The following OTUD7A variants were observed in gnomAD, a reference collection of about 807,000 sequenced individuals.
The protein encoded by OTUD7A is OTU domain-containing protein 7A.
A neutral mutation model predicts 65.7 loss-of-function variants in OTUD7A; 12 were observed. The ratio of observed to expected loss-of-function variants is 0.18; its 90% CI spans 0.12 to 0.30. The LOEUF (loss-of-function observed/expected upper bound fraction) is 0.30, where lower values mean the gene tolerates loss of function less well. Ranked by LOEUF, OTUD7A falls within the 10% of genes least tolerant of loss-of-function variation. The pLI is 1.00. For synonymous variants in OTUD7A, 641 were observed against 586.3 expected (o/e 1.09, Z -1.35); for missense variants, 1,148 against 1,304.8 (o/e 0.88, Z 1.85).
chr15:31,703,407 G>T (rs1893258115), intron 1 of OTUD7A, among the ~76,000 whole-genome samples: 2 of 151,368 alleles, frequency 1.3e-5, no homozygotes, highest in South Asian at 4.2e-4. Context: ...TTAGAAAATT[G>T]GCAAAAAAAC....
At chr15:31,744,192 G>A (rs1490517835) in intron 1 of OTUD7A, among the ~76,000 whole-genome samples, 1 of 152,020 alleles carries the variant, frequency 6.6e-6, no homozygotes, top group Admixed American at 6.6e-5. Context: ...AAATATTTAA[G>A]GAAGAAATAA....
At chr15:31,589,466 T>G (rs1203625271) in intron 3 of OTUD7A, among the ~76,000 whole-genome samples, 3 of 148,396 alleles carry the variant, frequency 2.0e-5, no homozygotes, top group African/African-American at 7.5e-5. Context: ...TGGGCTTGTT[T>G]TTTTTTTTTT....
intron 1 of OTUD7A, chr15:31,766,030 T>A: frequency 6.4e-7 from 1 of 1,558,782 alleles, no homozygotes. Context: ...TATGAGTAAG[T>A]TGGCAAAGGA....
intron 8 of OTUD7A, among the ~76,000 whole-genome samples, chr15:31,513,374 ACATCAGGAATT>A (rs2041789878): frequency 6.6e-6 from 1 of 152,152 alleles, no homozygotes; most frequent in Admixed American, 6.5e-5. Flanking sequence ...ACGGCTACCG[ACATCAGGAATT>A]CACACAGTTA....
chr15:31,613,735 T>C (rs1003720608), intron 3 of OTUD7A, among the ~76,000 whole-genome samples: 1 of 130,368 alleles, frequency 7.7e-6, no homozygotes, highest in Non-Finnish European at 1.6e-5. Flanking sequence ...GAAAACAGTA[T>C]GGAGATTCCT....
chr15:31,838,715 T>C (rs1454279230), intron 1 of OTUD7A, among the ~76,000 whole-genome samples: 4 of 147,140 alleles, frequency 2.7e-5, no homozygotes, highest in African/African-American at 1.0e-4. Context: ...TAAGTGATCC[T>C]GAGGGACCCC....
At chr15:31,852,005 C>T (rs750180311) in intron 1 of OTUD7A, among the ~76,000 whole-genome samples, 3 of 152,092 alleles carry the variant, frequency 2.0e-5, no homozygotes, top group Admixed American at 6.6e-5. Context: ...ATTACAGGCG[C>T]GCACCACCAT....
At chr15:31,596,675 G>A (rs1201130079) in intron 3 of OTUD7A, among the ~76,000 whole-genome samples, 2 of 151,664 alleles carry the variant, frequency 1.3e-5, no homozygotes, top group African/African-American at 4.8e-5. Flanking sequence ...TTTTGTTTTG[G>A]TGGGTGTGCA....
At chr15:31,640,191 A>G (rs1174964115) in intron 3 of OTUD7A, among the ~76,000 whole-genome samples, 4 of 152,174 alleles carry the variant, frequency 2.6e-5, no homozygotes, top group Admixed American at 1.3e-4. Flanking sequence ...AAAACCAAAC[A>G]TCGTATGTTC....
chr15:31,828,731 A>C (rs1257475400), intron 1 of OTUD7A, among the ~76,000 whole-genome samples: 1 of 152,118 alleles, frequency 6.6e-6, no homozygotes, highest in East Asian at 1.9e-4. Context: ...CTGGGAACCC[A>C]TCTCCCTGAG....
intron 3 of OTUD7A, among the ~76,000 whole-genome samples, chr15:31,586,481 A>G (rs1889541928): frequency 6.6e-6 from 1 of 151,952 alleles, no homozygotes; most frequent in African/African-American, 2.4e-5. Context: ...AAGAGCGGGG[A>G]GTGTCAGGGG....
intron 1 of OTUD7A, among the ~76,000 whole-genome samples, chr15:31,682,797 G>A (rs1346765966): frequency 1.3e-5 from 2 of 152,210 alleles, no homozygotes; most frequent in Non-Finnish European, 2.9e-5. Flanking sequence ...GAGTGTGCAT[G>A]TGTTTAATAG....
chr15:31,727,931 T>C (rs993398109), intron 1 of OTUD7A, among the ~76,000 whole-genome samples: 2 of 152,184 alleles, frequency 1.3e-5, no homozygotes, highest in Non-Finnish European at 2.9e-5. Context: ...TATGCTCACT[T>C]ATGCTTTCTC....
intron 1 of OTUD7A, among the ~76,000 whole-genome samples, chr15:31,865,061 G>C (rs936092747): frequency 6.6e-6 from 1 of 152,088 alleles, no homozygotes; most frequent in African/African-American, 2.4e-5. Context: ...TCACACAACT[G>C]GTCATCAAGT....
At chr15:31,559,295 A>G (rs765370957) in intron 4 of OTUD7A, 108 bp from the exon 5 acceptor site, 16 of 1,028,270 alleles carry the variant, frequency 1.6e-5, no homozygotes, top group Non-Finnish European at 2.3e-5. Context: ...ACACAGGTAC[A>G]CATTCATGCA....
At chr15:31,632,593 C>A (rs560868815) in intron 3 of OTUD7A, among the ~76,000 whole-genome samples, 21 of 152,390 alleles carry the variant, frequency 1.4e-4, no homozygotes, top group African/African-American at 4.8e-4. Context: ...AGGAGGCAGT[C>A]TGCCCGTTCT....
At chr15:31,746,134 T>G (rs1894470002) in intron 1 of OTUD7A, among the ~76,000 whole-genome samples, 1 of 152,250 alleles carries the variant, frequency 6.6e-6, no homozygotes, top group Non-Finnish European at 1.5e-5. Flanking sequence ...GATAGCTTTC[T>G]ATAAAACTAA....
At chr15:31,589,463 G>GTTTTT (rs58276599) in intron 3 of OTUD7A, among the ~76,000 whole-genome samples, 2,272 of 116,270 alleles carry the variant, frequency 0.02, 157 homozygotes, top group African/African-American at 0.075. Flanking sequence ...TCCTGGGCTT[G>GTTTTT]TTTTTTTTTT....
Position 31,675,156 on chromosome 15 carries a change from T to C in OTUD7A, c.-99-18079A>G, listed in dbSNP as rs1394736285. Among the ~76,000 whole-genome samples the C allele has an allele frequency of 2.2e-5, 3 of 135,398 alleles. No homozygotes were observed. In the East Asian group the frequency reaches 5.8e-4, roughly 26 times the overall value. The allele number at this position is 135,398 out of a possible 152,430, so 88.8% of individuals were successfully genotyped here. A position where few individuals can be genotyped will look rare whatever the true frequency, so the allele number is the denominator to read the frequency against. Reference sequence around the variant, plus strand: ...ATAAACATAGATGTACAACTTAAAATTAAAGATTAGCAAATGAGTCCATAA... The same window carrying C: ...ATAAACATAGATGTACAACTTAAAACTAAAGATTAGCAAATGAGTCCATAA... On this transcript the variant is annotated intron_variant, in intron 1 of 12. Coordinates refer to ENST00000307050, the MANE Select transcript of OTUD7A (RefSeq NM_001382637.1).
Sources: gnomAD v4.1 joint callset for allele counts (sites outside exome capture counted in the v4.1 genomes callset) on GRCh38, gnomAD v4.1.1 for gene constraint, MANE v1.5 for transcripts, NCBI Gene and HGNC (gene_info 2026-07-23, HGNC 2026-07-21) for gene names.